Variants in TEX14 observed in about 807,000 individuals in gnomAD.
TEX14 encodes the protein inactive serine/threonine-protein kinase TEX14.
Under a neutral mutation model 178.6 loss-of-function variants are expected in TEX14, and 168 were observed. The ratio of observed to expected loss-of-function variants is 0.94; its 90% CI spans 0.83 to 1.07. TEX14 has a LOEUF of 1.07. Ranked by LOEUF, TEX14 falls within the 50% of genes least tolerant of loss-of-function variation. The pLI is 0.00. For synonymous variants in TEX14, 626 were observed against 634.1 expected (o/e 0.99, Z 0.19); for missense variants, 1,730 against 1,753.6 (o/e 0.99, Z 0.24).
rs773903232 is a variant in TEX14, at chr17:58,585,821, G to T, written c.3050C>A (p.Pro1017His). ...CTTACTGGTGAAGCTTCCAAGCCTG[G>T]GCTGTCTGCCATGCTGGTCACTGTC... ...DCDSDQHGRQ[P>H]RLGSFTSIRH... Residue 1017 changes from proline to histidine, a missense_variant, in exon 18 of 32, where the codon CCC becomes CAC. By Grantham distance (77) the Pro-to-His change is moderately conservative (BLOSUM62 -2). Coordinates refer to ENST00000349033, the MANE Select transcript of TEX14 (RefSeq NM_031272.5). The T allele has an allele frequency of 7.4e-6, 12 of 1,613,902 alleles. No homozygotes were observed. The highest frequency in any genetic ancestry group is 1.0e-5 in the Non-Finnish European group (12 of 1,179,972).
chr17:58,641,523 A>C (rs1333870653), intron 2 of TEX14, among the ~76,000 whole-genome samples: 4 of 93,770 alleles, frequency 4.3e-5, no homozygotes, highest in Non-Finnish European at 4.2e-5. Flanking sequence ...TTATTATTTG[A>C]GATGGAGTCT....
At chr17:58,633,978 A>T (rs1201911635) in intron 2 of TEX14, among the ~76,000 whole-genome samples, 2 of 151,984 alleles carry the variant, frequency 1.3e-5, no homozygotes. Flanking sequence ...GAAAAAAAAA[A>T]AAAAAGCAAA....
intron 31 of TEX14, 66 bp downstream of exon 31, chr17:58,557,733 T>C: frequency 7.5e-7 from 1 of 1,326,856 alleles, no homozygotes; most frequent in South Asian, 1.3e-5. Flanking sequence ...TGGTAAATGT[T>C]TTTAAGTCTG....
At chr17:58,639,815 C>T (rs1022480674) in intron 2 of TEX14, among the ~76,000 whole-genome samples, 1 of 152,126 alleles carries the variant, frequency 6.6e-6, no homozygotes, top group African/African-American at 2.4e-5. Context: ...GACTTTCGAA[C>T]GCTAGGGTCA....
At chr17:58,617,421 A>T (rs2045897725) in intron 6 of TEX14, 117 bp downstream of exon 6, 2 of 716,376 alleles carry the variant, frequency 2.8e-6, no homozygotes, top group Non-Finnish European at 4.8e-6. Flanking sequence ...GGCAAAAAAG[A>T]AAAGAACAAC....
At chr17:58,579,366 C>A (rs1318011112) in intron 20 of TEX14, among the ~76,000 whole-genome samples, 1 of 152,080 alleles carries the variant, frequency 6.6e-6, no homozygotes, top group Non-Finnish European at 1.5e-5. Context: ...TGTGGCACAC[C>A]AAGGAGCCTG....
chr17:58,638,574 T>C (rs895014161), intron 2 of TEX14, among the ~76,000 whole-genome samples: 1 of 152,150 alleles, frequency 6.6e-6, no homozygotes, highest in Non-Finnish European at 1.5e-5. Context: ...GTTTCACTCT[T>C]GTTACCCAGG....
chr17:58,573,338 G>A (rs752853021), intron 22 of TEX14, 30 bp from the exon 23 acceptor site: 1 of 1,603,816 alleles, frequency 6.2e-7, no homozygotes. Flanking sequence ...CAGTAATGAT[G>A]AGAAGATGAC....
chr17:58,608,740 G>C (rs752865446), intron 10 of TEX14, among the ~76,000 whole-genome samples: 2 of 152,366 alleles, frequency 1.3e-5, no homozygotes, highest in East Asian at 1.9e-4. Context: ...CAGGGTATGA[G>C]AGCATCAGTA....
chr17:58,650,031 C>T (rs986431714), intron 2 of TEX14, among the ~76,000 whole-genome samples: 9 of 150,358 alleles, frequency 6.0e-5, no homozygotes, highest in African/African-American at 2.2e-4. Flanking sequence ...TGTGCCACTG[C>T]GCCCAGCCCA....
At chr17:58,581,504 C>G (rs1160151233) in intron 19 of TEX14, 1 of 1,276,258 alleles carries the variant, frequency 7.8e-7, no homozygotes, top group African/African-American at 1.5e-5. Context: ...TATAAAAAAT[C>G]CTGGTAGACA....
chr17:58,672,775 G>A (rs1199465284), intron 1 of TEX14, among the ~76,000 whole-genome samples: 2 of 151,160 alleles, frequency 1.3e-5, no homozygotes, highest in Non-Finnish European at 2.9e-5. Flanking sequence ...TCTGTCACCC[G>A]GGCTGGAGTG....
At chr17:58,656,118 C>A (rs187567984) in intron 1 of TEX14, among the ~76,000 whole-genome samples, 1 of 151,588 alleles carries the variant, frequency 6.6e-6, no homozygotes, top group African/African-American at 2.4e-5. Context: ...CTGGGCAACA[C>A]GGCGAAATGC....
chr17:58,610,899 G>C (rs924919380), intron 10 of TEX14, among the ~76,000 whole-genome samples: 1 of 150,904 alleles, frequency 6.6e-6, no homozygotes, highest in Non-Finnish European at 1.5e-5. Flanking sequence ...AAAAAAAGCC[G>C]CTGAAAATTT....
In TEX14 at chr17:58,587,983, G is replaced by A. The variant is rs1191448525; in HGVS notation, c.2615C>T (p.Ala872Val). The change falls in exon 16 of 32, where the codon GCC becomes GTC. Residue 872 changes from alanine (A) to valine (V), a missense_variant. Ala to Val is a moderately conservative substitution (Grantham distance 64). Around this residue, in one of 2 missense-constraint regions of TEX14, gnomAD observed 941 missense variants for 1,072.4 expected, o/e 0.88. Transcript: ENST00000349033. ...GAAGAGTGCACTATTAAACTGTGTG[G>A]CTTTGGCTTGGGCAGTGGACTCTCT... The part of the protein sequence containing the change: ...RPRESTAQAK[A>V]TQFNSALFTL... 12 of 1,584,976 alleles carry A rather than the reference G, an allele frequency of 7.6e-6. No homozygotes were observed. The highest frequency in any genetic ancestry group is 1.0e-5 in the Non-Finnish European group (12 of 1,153,544).
intron 1 of TEX14, among the ~76,000 whole-genome samples, chr17:58,687,850 C>A (rs1436537014): frequency 6.6e-6 from 1 of 152,108 alleles, no homozygotes; most frequent in Non-Finnish European, 1.5e-5. Flanking sequence ...AAGATAGCTA[C>A]ACAAGTCAGA....
In TEX14 at chr17:58,615,184, T is replaced by G. The variant is rs371042543; in HGVS notation, c.881+48A>C. 6 of 1,105,488 alleles carry G rather than the reference T, an allele frequency of 5.4e-6. No individual in the cohort carries two copies. In the South Asian group the frequency reaches 7.7e-5, roughly 14 times the overall value. The allele number at this position is 1,105,488 out of a possible 1,614,324, so 68.5% of individuals were successfully genotyped here. A position where few individuals can be genotyped will look rare whatever the true frequency, so the allele number is the denominator to read the frequency against. On this transcript the variant is annotated intron_variant, in intron 8 of 31. Coordinates refer to ENST00000349033, the MANE Select transcript of TEX14 (RefSeq NM_031272.5). ...AGAGCTGAATAGCCCAGAACCTGAG[T>G]CTGTAGAGAGACCTGGACCTATAAG...
At chr17:58,608,157 C>T (rs302849) in intron 10 of TEX14, among the ~76,000 whole-genome samples, 1 of 151,808 alleles carries the variant, frequency 6.6e-6, no homozygotes, top group Non-Finnish European at 1.5e-5. Flanking sequence ...GGGGCTCACG[C>T]CTGTATTCCC....
At chr17:58,581,830 C>T (rs2044829211) in intron 19 of TEX14, 2 of 1,323,586 alleles carry the variant, frequency 1.5e-6, no homozygotes, top group Non-Finnish European at 2.1e-6. Flanking sequence ...TCTAACACTA[C>T]CCAGCAGTCA....
Sources: gnomAD v4.1 joint callset for allele counts (sites outside exome capture counted in the v4.1 genomes callset) on GRCh38, gnomAD v4.1.1 for gene constraint, gnomAD v4.1.1 regional missense constraint, MANE v1.5 for transcripts, NCBI Gene and HGNC (gene_info 2026-07-23, HGNC 2026-07-21) for gene names.